ARHGAP21: variants seen among roughly 807,000 people sequenced by gnomAD.
The protein encoded by ARHGAP21 is Rho GTPase activating protein 21.
A neutral mutation model predicts 164.6 loss-of-function variants in ARHGAP21; 38 were observed. That is an observed-to-expected ratio of 0.23 (90% CI 0.18 to 0.30). ARHGAP21 has a LOEUF of 0.30. Ranked by LOEUF, ARHGAP21 falls within the 10% of genes least tolerant of loss-of-function variation. ARHGAP21 has a pLI of 1.00. For missense variants in ARHGAP21, 1,822 were observed against 2,370.7 expected (o/e 0.77, Z 4.81); for synonymous variants, 766 against 857.9 (o/e 0.89, Z 1.87).
chr10:24,699,880 CTAAA>C (rs1843500736), intron 2 of ARHGAP21, among the ~76,000 whole-genome samples: 1 of 152,158 alleles, frequency 6.6e-6, no homozygotes, highest in African/African-American at 2.4e-5. Flanking sequence ...TAAGTACTCA[CTAAA>C]TATTACCTAT....
intron 12 of ARHGAP21, among the ~76,000 whole-genome samples, chr10:24,603,586 G>A (rs559140454): frequency 3.3e-5 from 5 of 152,180 alleles, no homozygotes; most frequent in African/African-American, 4.8e-5. Context: ...GAAGGGCACC[G>A]AGGAAGTGAG....
chr10:24,692,327 T>C (rs1842821467), intron 2 of ARHGAP21, among the ~76,000 whole-genome samples: 2 of 152,202 alleles, frequency 1.3e-5, no homozygotes, highest in South Asian at 4.1e-4. Context: ...ATGGAGTCGA[T>C]GAAAACATCC....
intron 2 of ARHGAP21, among the ~76,000 whole-genome samples, chr10:24,712,119 T>C (rs1844892745): frequency 6.6e-6 from 1 of 152,146 alleles, no homozygotes; most frequent in South Asian, 2.1e-4. Context: ...TTTTGCCATG[T>C]TGGCCAGGGT....
At chr10:24,643,607 T>C (rs946454404) in intron 4 of ARHGAP21, among the ~76,000 whole-genome samples, 2 of 152,210 alleles carry the variant, frequency 1.3e-5, no homozygotes, top group African/African-American at 4.8e-5. Flanking sequence ...GGATCAGTAT[T>C]TCAACAAAAT....
intron 2 of ARHGAP21, among the ~76,000 whole-genome samples, chr10:24,716,217 C>T (rs893176999): frequency 6.6e-6 from 1 of 152,214 alleles, no homozygotes; most frequent in African/African-American, 2.4e-5. Flanking sequence ...AGATATATTA[C>T]CTGTCTCAAA....
Position 24,621,411 on chromosome 10 carries a change from A to C in ARHGAP21, c.526-42T>G, listed in dbSNP as rs780856473. The C allele has an allele frequency of 3.2e-5, 47 of 1,469,624 alleles. 1 individual carries two copies. Among genetic ancestry groups the C allele is most frequent in the Non-Finnish European group, 4.0e-5 (44 of 1,102,254 alleles). The allele number at this position is 1,469,624 out of a possible 1,614,324, so 91.0% of individuals were successfully genotyped here. ...GGAAGGTGTCACTGGAAATTCATAA[A>C]AAGAATAATAATTTCCATTTTTACA... On this transcript the variant is annotated intron_variant, in intron 8 of 25. Transcript: ENST00000396432.
intron 4 of ARHGAP21, among the ~76,000 whole-genome samples, chr10:24,661,719 A>C (rs1839708624): frequency 6.6e-6 from 1 of 152,254 alleles, no homozygotes; most frequent in African/African-American, 2.4e-5. Flanking sequence ...AAGTTATCAA[A>C]GGAAATGAGA....
rs774954888 is a variant in ARHGAP21, at chr10:24,621,266, G to A, written c.629C>T (p.Ala210Val). The A allele has an allele frequency of 3.6e-5, 58 of 1,613,742 alleles. No individual in the cohort carries two copies. The highest frequency in any genetic ancestry group is 4.7e-5 in the Non-Finnish European group (55 of 1,179,810). Residue 210 changes from alanine (A) to valine (V), a missense_variant, in exon 9 of 26, where the codon GCC (alanine) becomes GTC (valine). Coordinates refer to ENST00000396432, the MANE Select transcript of ARHGAP21 (RefSeq NM_020824.4). ...PPICYPWLPS[A>V]PSAMAQPVEI... is the part of the protein sequence containing the mutation. ...AACTGGCTGTGCCATGGCTGATGGG[G>A]CAGATGGCAGCCAGGGATAGCAGAT...
intron 2 of ARHGAP21, among the ~76,000 whole-genome samples, chr10:24,716,905 G>A (rs758923362): frequency 6.6e-6 from 1 of 152,206 alleles, no homozygotes; most frequent in Non-Finnish European, 1.5e-5. Flanking sequence ...CCAGGGGAAT[G>A]GAGGTAGAGT....
chr10:24,617,324 T>C (rs927318082), intron 9 of ARHGAP21, among the ~76,000 whole-genome samples: 1 of 152,168 alleles, frequency 6.6e-6, no homozygotes, highest in Non-Finnish European at 1.5e-5. Flanking sequence ...ATTATATTGT[T>C]GTTATTATGT....
At chr10:24,652,735 G>A (rs536815621) in intron 4 of ARHGAP21, among the ~76,000 whole-genome samples, 71 of 152,264 alleles carry the variant, frequency 4.7e-4, no homozygotes, top group African/African-American at 1.5e-3. Flanking sequence ...CATCCACTAG[G>A]ATGATTAAAA....
At chr10:24,678,826 C>T (rs1841511690) in intron 2 of ARHGAP21, among the ~76,000 whole-genome samples, 1 of 152,148 alleles carries the variant, frequency 6.6e-6, no homozygotes, top group South Asian at 2.1e-4. Context: ...ATTATTTTGT[C>T]ATTTCAAGAA....
At chr10:24,628,796 CACATATAT>C (rs1055740855) in intron 7 of ARHGAP21, among the ~76,000 whole-genome samples, 3 of 110,170 alleles carry the variant, frequency 2.7e-5, no homozygotes, top group African/African-American at 1.0e-4. Context: ...CACATATATA[CACATATAT>C]ACATATATAT....
At chr10:24,608,743 G>A (rs942315301) in intron 9 of ARHGAP21, among the ~76,000 whole-genome samples, 5 of 150,632 alleles carry the variant, frequency 3.3e-5, no homozygotes, top group African/African-American at 4.9e-5. Context: ...AATTCTAACT[G>A]TGTTTAGCTT....
rs555853777 is a variant in ARHGAP21, at chr10:24,645,384, C to T, written c.269-10281G>A. Among the ~76,000 whole-genome samples, 111 of 152,060 alleles carry T rather than the reference C, an allele frequency of 7.3e-4. No homozygotes were observed. In the South Asian group the frequency reaches 0.022, roughly 30 times the overall value. ...TCACCTGCAGTCAGGAGATTGAGAC[C>T]AGCCTGGCCAACATGGTGAAACCCC... On this transcript the variant is annotated intron_variant, in intron 4 of 25. Transcript: ENST00000396432.
intron 6 of ARHGAP21, among the ~76,000 whole-genome samples, chr10:24,631,669 G>A (rs1835867931): frequency 6.6e-6 from 1 of 152,184 alleles, no homozygotes; most frequent in South Asian, 2.1e-4. Context: ...ATTTAGAGTT[G>A]GTAGAAACTG....
intron 7 of ARHGAP21, among the ~76,000 whole-genome samples, chr10:24,624,433 A>G (rs537572084): frequency 2.2e-5 from 3 of 139,110 alleles, no homozygotes; most frequent in East Asian, 2.2e-4. Context: ...TGTGCCTCCC[A>G]GGTTCAAGCA....
chr10:24,650,579 A>ATT (rs1466452013), intron 4 of ARHGAP21, among the ~76,000 whole-genome samples: 1 of 152,230 alleles, frequency 6.6e-6, no homozygotes, highest in East Asian at 1.9e-4. Flanking sequence ...TAATCTCAGA[A>ATT]AAGAGAAAAA....
chr10:24,644,982 T>C (rs566377180), intron 4 of ARHGAP21, among the ~76,000 whole-genome samples: 106 of 152,288 alleles, frequency 7.0e-4, no homozygotes, highest in Non-Finnish European at 1.3e-3. Flanking sequence ...ATTAAACTCA[T>C]TTCTCCAGAG....
Sources: gnomAD v4.1 joint callset for allele counts (sites outside exome capture counted in the v4.1 genomes callset) on GRCh38, gnomAD v4.1.1 for gene constraint, MANE v1.5 for transcripts, NCBI Gene and HGNC (gene_info 2026-07-23, HGNC 2026-07-21) for gene names.